The following NEGR1 variants were observed in gnomAD, a reference collection of about 807,000 sequenced individuals.
NEGR1 encodes neuronal growth regulator 1, also known as IgLON family member 4.
NEGR1 carries 10 observed loss-of-function variants against 40.9 expected under a neutral mutation model. The ratio of observed to expected loss-of-function variants is 0.24; its 90% confidence interval spans 0.15 to 0.42. The LOEUF is 0.42. NEGR1 is among the 10% of genes least tolerant of loss of function. NEGR1 has a pLI of 1.00. For synonymous variants in NEGR1, 185 were observed against 166.8 expected (o/e 1.11, Z -0.84); for missense variants, 352 against 438.9 (o/e 0.80, Z 1.77).
Position 71,697,461 on chromosome 1 carries a change from C to T in NEGR1, c.667+547G>A, listed in dbSNP as rs144149637. On this transcript the variant is annotated intron_variant, in intron 4 of 6. Coordinates refer to ENST00000357731, the MANE Select transcript of NEGR1 (RefSeq NM_173808.3). ...AAAGTGTGTAACATACTAGCATTGA[C>T]GGTTCTGCAGGTATCCAATTTATAT... Among the ~76,000 whole-genome samples the T allele has an allele frequency of 8.8e-3, 1,342 of 151,826 alleles. 14 individuals are homozygous for T. The highest frequency in any genetic ancestry group is 0.03 in the African/African-American group (1,249 of 41,482).
intron 3 of NEGR1, among the ~76,000 whole-genome samples, chr1:71,703,854 C>A (rs1042653062): frequency 6.6e-6 from 1 of 151,290 alleles, no homozygotes; most frequent in African/African-American, 2.4e-5. Flanking sequence ...TGGGGGGGGT[C>A]CCATAAAGGG....
At chr1:72,171,410 C>T (rs1020098471) in intron 1 of NEGR1, among the ~76,000 whole-genome samples, 1 of 152,112 alleles carries the variant, frequency 6.6e-6, no homozygotes, top group African/African-American at 2.4e-5. Context: ...TATTGGGATT[C>T]TATCAAAGAA....
At chr1:71,808,310 T>G (rs1005646839) in intron 2 of NEGR1, among the ~76,000 whole-genome samples, 17 of 152,282 alleles carry the variant, frequency 1.1e-4, no homozygotes, top group African/African-American at 3.9e-4. Flanking sequence ...ACTAAGGATT[T>G]TTTACATTCT....
intron 1 of NEGR1, among the ~76,000 whole-genome samples, chr1:72,044,298 C>A (rs1569869957): frequency 2.5e-5 from 3 of 119,082 alleles, no homozygotes. Context: ...ATGATAAATG[C>A]AATAAAACAA....
chr1:71,894,685 G>A lies in NEGR1; in HGVS notation c.409+40394C>T, dbSNP rs147049877. 2.7e-4 allele frequency among the ~76,000 whole-genome samples: 41 copies of A among 152,262 alleles called. No homozygotes were observed. The East Asian group carries it at 6.2e-3, about 23-fold the overall frequency. On this transcript the variant is annotated intron_variant, in intron 2 of 6. Transcript: ENST00000357731. ...TGCTAACTTGTTAACTTCATAACAC[G>A]CTAACTTGTCAATCCTTCTTTAACA...
intron 1 of NEGR1, among the ~76,000 whole-genome samples, chr1:72,082,972 G>A: frequency 6.6e-6 from 1 of 151,924 alleles, no homozygotes. Flanking sequence ...TGTTATAAGT[G>A]GTCAGTTGCT....
chr1:71,799,915 T>C (rs1475374886), intron 2 of NEGR1, among the ~76,000 whole-genome samples: 13 of 152,142 alleles, frequency 8.5e-5, no homozygotes, highest in African/African-American at 3.1e-4. Flanking sequence ...GGTTTCACCG[T>C]ATTAGCCAGA....
At chr1:71,698,778 A>G (rs1653576060) in intron 3 of NEGR1, among the ~76,000 whole-genome samples, 1 of 151,888 alleles carries the variant, frequency 6.6e-6, no homozygotes, top group Non-Finnish European at 1.5e-5. Context: ...AATTATCTTT[A>G]TTTTTAAATA....
intron 6 of NEGR1, among the ~76,000 whole-genome samples, chr1:71,565,429 T>C (rs1047740777): frequency 2.0e-5 from 3 of 152,202 alleles, no homozygotes; most frequent in African/African-American, 7.2e-5. Flanking sequence ...CAGTTCTTAG[T>C]GGTTTTTCAG....
At chr1:71,674,497 T>C (rs548117090) in intron 4 of NEGR1, among the ~76,000 whole-genome samples, 1 of 152,128 alleles carries the variant, frequency 6.6e-6, no homozygotes, top group Non-Finnish European at 1.5e-5. Context: ...AGACTTTGTA[T>C]TACATTAGCT....
At chr1:71,847,081 T>TC (rs1487730374) in intron 2 of NEGR1, among the ~76,000 whole-genome samples, 1 of 151,900 alleles carries the variant, frequency 6.6e-6, no homozygotes, top group Non-Finnish European at 1.5e-5. Context: ...TCCAATCAAA[T>TC]CCCCCCATCT....
At chr1:72,262,370 A>C (rs1204030899) in intron 1 of NEGR1, among the ~76,000 whole-genome samples, 1 of 152,060 alleles carries the variant, frequency 6.6e-6, no homozygotes, top group Non-Finnish European at 1.5e-5. Flanking sequence ...TTATAGTGAC[A>C]AAAGAAATCT....
At chr1:71,947,826 C>G (rs112068530) in intron 1 of NEGR1, among the ~76,000 whole-genome samples, 5,560 of 151,922 alleles carry the variant, frequency 0.037, 343 homozygotes, top group African/African-American at 0.13. Context: ...TTAGAACTAT[C>G]TGTTCCTGCA....
chr1:71,575,808 AC>A (rs1361922880), intron 6 of NEGR1, among the ~76,000 whole-genome samples: 15 of 151,870 alleles, frequency 9.9e-5, no homozygotes, highest in Admixed American at 8.5e-4. Flanking sequence ...ACAAAACAAA[AC>A]AAAACAAAAA....
intron 6 of NEGR1, among the ~76,000 whole-genome samples, chr1:71,436,373 G>GTCT (rs1646509971): frequency 1.3e-5 from 2 of 152,160 alleles, no homozygotes; most frequent in Non-Finnish European, 2.9e-5. Context: ...AGACAATGAG[G>GTCT]AAGAAGATGC....
chr1:71,870,378 G>T (rs901018716), intron 2 of NEGR1, among the ~76,000 whole-genome samples: 2 of 152,048 alleles, frequency 1.3e-5, no homozygotes, highest in South Asian at 2.1e-4. Context: ...TTACGTTAGG[G>T]TATGCAATTT....
At chr1:72,034,787 G>A (rs1646888411) in intron 1 of NEGR1, among the ~76,000 whole-genome samples, 1 of 152,120 alleles carries the variant, frequency 6.6e-6, no homozygotes, top group East Asian at 1.9e-4. Flanking sequence ...ATTATTTTTA[G>A]TCAGCTTGAA....
chr1:71,631,509 T>C (rs1189148408), intron 4 of NEGR1, among the ~76,000 whole-genome samples: 1 of 151,876 alleles, frequency 6.6e-6, no homozygotes, highest in Non-Finnish European at 1.5e-5. Context: ...AAGTCTTAGA[T>C]GTTATTTCTT....
intron 2 of NEGR1, among the ~76,000 whole-genome samples, chr1:71,820,621 T>C (rs1018231656): frequency 1.3e-5 from 2 of 151,936 alleles, no homozygotes; most frequent in African/African-American, 2.4e-5. Context: ...TTATAGAGTA[T>C]CTACTAATGG....
Sources: allele counts gnomAD v4.1 joint callset (sites outside exome capture counted in the v4.1 genomes callset), GRCh38; gene constraint gnomAD v4.1.1; transcripts MANE v1.5; gene names NCBI Gene and HGNC (gene_info 2026-07-23, HGNC 2026-07-21).